NT5C1B: variants seen among roughly 807,000 people sequenced by gnomAD.
The protein encoded by NT5C1B is 5'-nucleotidase, cytosolic IB.
Under a neutral mutation model 57.8 loss-of-function variants are expected in NT5C1B, and 44 were observed. That is an observed-to-expected ratio of 0.76 (90% confidence interval 0.60 to 0.98). The LOEUF (loss-of-function observed/expected upper bound fraction) is 0.98. Ranked by LOEUF, NT5C1B falls within the 50% of genes least tolerant of loss-of-function variation. The probability of loss-of-function intolerance (pLI) is 0.00; values close to 1 mark genes in which losing one functional copy is unlikely to be tolerated. For missense variants in NT5C1B, 742 were observed against 719.5 expected (o/e 1.03, Z -0.36); for synonymous variants, 284 against 282.6 (o/e 1.00, Z -0.05).
At position 18,584,193 on chromosome 2, in the gene NT5C1B, G is replaced by A; in HGVS notation, c.786C>T (p.Asp262=). The A allele has an allele frequency of 6.2e-7, 1 of 1,614,092 alleles. No homozygotes were observed. Among genetic ancestry groups the A allele is most frequent in the Non-Finnish European group, 8.5e-7 (1 of 1,180,018 alleles). Residue 262 remains aspartate (D), a synonymous_variant, in exon 5 of 9, where the codon GAC becomes GAT. Coordinates refer to ENST00000304081, the Ensembl canonical transcript of NT5C1B. This position sits in a 1 kb window ranked among gnomAD's most constrained non-coding sequence, Gnocchi z 5.8. ...CCTCTTGCTCGTAGATTTTCCTGCC[G>A]TCCACCATGTTGAAGAGCGCGCAGG... is the stretch of plus-strand genomic sequence containing the variant.
chr2:18,586,199 G>T (rs1456900702), intron 3 of NT5C1B, 55 bp downstream of exon 3: 1 of 1,590,270 alleles, frequency 6.3e-7, no homozygotes, highest in South Asian at 1.1e-5. Flanking sequence ...ATCAATAAAT[G>T]TTAACCATTG....
chr2:18,567,616 T>C (rs1664763476), intron 8 of NT5C1B, among the ~76,000 whole-genome samples: 1 of 152,172 alleles, frequency 6.6e-6, no homozygotes, highest in South Asian at 2.1e-4. Context: ...CAAACTTGGA[T>C]CCTGTGGTGC....
chr2:18,584,650 G>T lies in NT5C1B; in HGVS notation c.587C>A (p.Ser196Tyr), dbSNP rs1666514896. Residue 196 changes from serine (S) to tyrosine (Y), a missense_variant, in exon 4 of 9, where the codon TCC (serine) becomes TAC (tyrosine). Ser to Tyr is a moderately radical substitution (Grantham distance 144). Coordinates refer to ENST00000304081, the Ensembl canonical transcript of NT5C1B. This position sits in a 1 kb window ranked among gnomAD's most constrained non-coding sequence, Gnocchi z 5.8. ...CAGAGAGTTGCGGTCCAGCTGGGTG[G>T]AGGCGGGGTAGATCCCCCTGCGCTG... is the stretch of plus-strand genomic sequence containing the variant. 6.2e-7 allele frequency: 1 copy of T among 1,613,082 alleles called. No homozygotes were observed. The highest frequency in any genetic ancestry group is 1.1e-5 in the South Asian group (1 of 90,886).
At chr2:18,573,829 T>G (rs1272857784) in intron 8 of NT5C1B, among the ~76,000 whole-genome samples, 4 of 152,168 alleles carry the variant, frequency 2.6e-5, no homozygotes, top group Non-Finnish European at 5.9e-5. Context: ...ATGGCATGTT[T>G]TTTAAACTGG....
chr2:18,582,033 T>C (rs1018237677), intron 6 of NT5C1B, among the ~76,000 whole-genome samples: 2 of 152,218 alleles, frequency 1.3e-5, no homozygotes, highest in African/African-American at 2.4e-5. Flanking sequence ...AGGCTATGTG[T>C]TGTTAAATAC....
chr2:18,585,714 T>G (rs1407585812), intron 3 of NT5C1B, among the ~76,000 whole-genome samples: 3 of 152,362 alleles, frequency 2.0e-5, no homozygotes, highest in Non-Finnish European at 4.4e-5. Flanking sequence ...AAAAGCATGT[T>G]TTTGTTTAGA....
At chr2:18,568,202 T>A (rs996422640) in intron 8 of NT5C1B, among the ~76,000 whole-genome samples, 5 of 150,546 alleles carry the variant, frequency 3.3e-5, no homozygotes, top group African/African-American at 7.3e-5. Context: ...CATTACATAC[T>A]AAGGACCAAA....
rs760038236 is a variant in NT5C1B at position 18,563,818 on chromosome 2, A to G, written c.1631T>C (p.Phe544Ser). 7.0e-6 allele frequency: 11 copies of G among 1,562,162 alleles called. No homozygotes were observed. The East Asian group carries it at 2.5e-4, about 35-fold the overall frequency. The change falls in exon 9 of 9, where the codon TTT becomes TCT. Residue 544 changes from phenylalanine to serine, a missense_variant. Physicochemically the swap from Phe to Ser is radical, Grantham distance 155. Coordinates refer to ENST00000304081, the Ensembl canonical transcript of NT5C1B. ...CCCCTAACTACTGAATTTTTTATTA[A>G]AGCCATAAGCTGCGATGGAACCTAA...
Position 18,586,380 on chromosome 2 carries a change from T to C in NT5C1B, c.132A>G (p.Glu44=), listed in dbSNP as rs769965168. ...GAGAGTCTGTCTTCCGCAGTGATGA[T>C]TCTTGTGATCCCTGTGATGGAAAGA... The change falls in exon 3 of 9, where the codon GAA becomes GAG. Residue 44 remains glutamate, a synonymous_variant. Transcript: ENST00000304081. 1.4e-5 allele frequency: 23 copies of C among 1,613,938 alleles called. 2 individuals carry two copies. The South Asian group carries it at 2.3e-4, about 16-fold the overall frequency.
chr2:18,583,326 C>A, intron 5 of NT5C1B: 1 of 185,168 alleles, frequency 5.4e-6, no homozygotes, highest in African/African-American at 2.4e-5. Flanking sequence ...TTTTTAAAAT[C>A]TGCTTTTATC....
rs749091931 is a variant in NT5C1B, at chr2:18,576,857, CT to C, written c.1059del (p.Asp354ThrfsTer6). 1.4e-5 allele frequency: 23 copies of C among 1,613,860 alleles called. No homozygotes were observed. In the South Asian group the frequency reaches 2.0e-4, roughly 14 times the overall value. Reference sequence around the variant, plus strand: ...TATGCCTTCAAATAGCCAATGGGGTCTTTTCCCCCGGTCAGACAGAAGCGGT... The same window carrying C: ...TATGCCTTCAAATAGCCAATGGGGTCTTTCCCCCGGTCAGACAGAAGCGGT... On this transcript the variant is annotated frameshift_variant, in exon 7 of 9. Coordinates refer to ENST00000304081, the Ensembl canonical transcript of NT5C1B. LOFTEE classifies it high-confidence loss of function.
At chr2:18,589,077 G>T (rs1666971310) in intron 1 of NT5C1B, among the ~76,000 whole-genome samples, 1 of 152,178 alleles carries the variant, frequency 6.6e-6, no homozygotes, top group Admixed American at 6.5e-5. Flanking sequence ...GGAGCAATGA[G>T]TTGTCCTTTG....
intron 1 of NT5C1B, among the ~76,000 whole-genome samples, chr2:18,588,368 A>G (rs1230117804): frequency 6.6e-6 from 1 of 152,238 alleles, no homozygotes; most frequent in African/African-American, 2.4e-5. Flanking sequence ...CACAACTTCT[A>G]AGTTAGACCA....
intron 2 of NT5C1B, chr2:18,587,086 C>T: frequency 6.2e-7 from 1 of 1,614,186 alleles, no homozygotes; most frequent in Non-Finnish European, 8.5e-7. Flanking sequence ...GCTGTTCCCT[C>T]AGCTGCACAA....
At chr2:18,587,157 T>C in intron 2 of NT5C1B, 1 of 1,613,478 alleles carries the variant, frequency 6.2e-7, no homozygotes, top group Non-Finnish European at 8.5e-7. Context: ...GTGATTCGGA[T>C]TGACTGCACG....
chr2:18,576,895 C>G lies in NT5C1B; in HGVS notation c.1022G>C (p.Gly341Ala), dbSNP rs751350692. The G allele has an allele frequency of 1.9e-6, 3 of 1,613,410 alleles. No individual in the cohort carries two copies. In the East Asian group the frequency reaches 6.7e-5, roughly 36 times the overall value. ...CAGACAGAAGCGGTCAATCAGTAAGCCTATTATCAGGCAAGAAAGACTTTG... is the reference window on the plus strand; with the variant it reads ...CAGACAGAAGCGGTCAATCAGTAAGGCTATTATCAGGCAAGAAAGACTTTG... Residue 341 changes from glycine to alanine, a missense_variant and splice_region_variant, in exon 7 of 9, where the codon GGC becomes GCC. By Grantham distance (60) the Gly-to-Ala change is moderately conservative. Coordinates refer to ENST00000304081, the Ensembl canonical transcript of NT5C1B.
chr2:18,563,627 G>A, exon 9 of NT5C1B: 1 of 611,546 alleles, frequency 1.6e-6, no homozygotes, highest in East Asian at 2.9e-5. Flanking sequence ...TAGTTTGATG[G>A]TAACTTGAGG....
intron 8 of NT5C1B, among the ~76,000 whole-genome samples, chr2:18,571,607 A>C (rs1665161673): frequency 6.6e-6 from 1 of 150,996 alleles, no homozygotes; most frequent in Non-Finnish European, 1.5e-5. Context: ...AAATAAAATA[A>C]AAATAAAAAA....
At position 18,584,148 on chromosome 2, in the gene NT5C1B, C is replaced by T. The variant is rs16985301; in HGVS notation, c.831G>A (p.Glu277=). Residue 277 remains glutamate (E), a synonymous_variant, in exon 5 of 9, where the codon GAG becomes GAA. Coordinates refer to ENST00000304081, the Ensembl canonical transcript of NT5C1B. This position sits in a 1 kb window ranked among gnomAD's most constrained non-coding sequence, Gnocchi z 5.8. ...TGACGTTCTCATTGGTGAGCTGATACTCCATGTACTTTTCCAGACCCTCTT... is the reference window on the plus strand; with the variant it reads ...TGACGTTCTCATTGGTGAGCTGATATTCCATGTACTTTTCCAGACCCTCTT... The T allele has an allele frequency of 1.2e-3, 2,003 of 1,614,182 alleles. 21 individuals are homozygous for T. The African/African-American group carries it at 0.024, about 20-fold the overall frequency.
Sources: allele counts gnomAD v4.1 joint callset (sites outside exome capture counted in the v4.1 genomes callset), GRCh38; gene constraint gnomAD v4.1.1; non-coding constraint Gnocchi (gnomAD v3.1); transcripts MANE v1.5; gene names NCBI Gene and HGNC (gene_info 2026-07-23, HGNC 2026-07-21).